FBXW7: variants seen among roughly 807,000 people sequenced by gnomAD.
The protein encoded by FBXW7 is F-box/WD repeat-containing protein 7.
Under a neutral mutation model 86.3 loss-of-function variants are expected in FBXW7, and 11 were observed. The ratio of observed to expected loss-of-function variants is 0.13; its 90% confidence interval spans 0.08 to 0.21. The LOEUF (loss-of-function observed/expected upper bound fraction) is 0.21. FBXW7 is among the 10% of genes least tolerant of loss of function. The pLI is 1.00. For missense variants in FBXW7, 488 were observed against 847.4 expected (o/e 0.58, Z 5.27); for synonymous variants, 313 against 297.9 (o/e 1.05, Z -0.52).
chr4:152,490,617 A>G (rs1268718107), intron 2 of FBXW7, among the ~76,000 whole-genome samples: 1 of 152,150 alleles, frequency 6.6e-6, no homozygotes, highest in African/African-American at 2.4e-5. Context: ...TCTCTCAAGC[A>G]GCAGCATAAG....
At chr4:152,393,901 C>CA (rs961239874) in intron 4 of FBXW7, among the ~76,000 whole-genome samples, 1 of 151,914 alleles carries the variant, frequency 6.6e-6, no homozygotes, top group African/African-American at 2.4e-5. Context: ...GGGAAAGATA[C>CA]AAAAAAATTT....
chr4:152,445,865 G>A (rs114232752), intron 2 of FBXW7, among the ~76,000 whole-genome samples: 1,616 of 142,590 alleles, frequency 0.011, 18 homozygotes, highest in Middle Eastern at 0.032. Flanking sequence ...AGCCAAGATC[G>A]CGCCACTGTA....
chr4:152,485,891 G>A (rs1002491654), intron 2 of FBXW7, among the ~76,000 whole-genome samples: 10 of 152,262 alleles, frequency 6.6e-5, no homozygotes, highest in East Asian at 1.9e-4. Flanking sequence ...ACAGTCATGC[G>A]TCACATAACC....
At chr4:152,367,910 T>G (rs748959210) in intron 4 of FBXW7, among the ~76,000 whole-genome samples, 1 of 151,530 alleles carries the variant, frequency 6.6e-6, no homozygotes, top group Non-Finnish European at 1.5e-5. Flanking sequence ...AGAAAAAACA[T>G]ACTAATATAA....
intron 2 of FBXW7, among the ~76,000 whole-genome samples, chr4:152,513,226 AT>A (rs1748148388): frequency 6.6e-6 from 1 of 152,202 alleles, no homozygotes; most frequent in African/African-American, 2.4e-5. Context: ...TGAGTATTTA[AT>A]AGAGTGAATT....
chr4:152,347,183 G>T, intron 5 of FBXW7, 112 bp from the exon 6 acceptor site: 1 of 895,716 alleles, frequency 1.1e-6, no homozygotes, highest in Non-Finnish European at 1.6e-6. Flanking sequence ...TGATGATCTG[G>T]CATATTTCAA....
intron 7 of FBXW7, 190 bp from the exon 8 acceptor site, chr4:152,332,909 T>C (rs980905691): frequency 1.1e-5 from 2 of 179,498 alleles, no homozygotes; most frequent in Admixed American, 6.2e-5. Context: ...ACACACCTTA[T>C]GGTTTTTATG....
At chr4:152,488,008 AAT>A (rs775647272) in intron 2 of FBXW7, among the ~76,000 whole-genome samples, 5 of 151,888 alleles carry the variant, frequency 3.3e-5, no homozygotes, top group Non-Finnish European at 7.4e-5. Flanking sequence ...AATAAAAAAT[AAT>A]GTTAAAAGTA....
At chr4:152,429,034 A>G (rs1225631622) in intron 2 of FBXW7, among the ~76,000 whole-genome samples, 1 of 152,120 alleles carries the variant, frequency 6.6e-6, no homozygotes, top group Non-Finnish European at 1.5e-5. Context: ...TACTAAAAAT[A>G]CAAAAATTAG....
intron 4 of FBXW7, among the ~76,000 whole-genome samples, chr4:152,369,119 A>G (rs1467895869): frequency 1.3e-5 from 2 of 152,142 alleles, no homozygotes; most frequent in African/African-American, 2.4e-5. Context: ...TCTCTATCAT[A>G]AGTACTATTA....
intron 2 of FBXW7, among the ~76,000 whole-genome samples, chr4:152,440,720 T>C (rs937261599): frequency 1.3e-5 from 2 of 152,082 alleles, no homozygotes; most frequent in Non-Finnish European, 2.9e-5. Flanking sequence ...AAATGGTACC[T>C]TGCACAGAAC....
chr4:152,374,268 T>A (rs1200334684), intron 4 of FBXW7, among the ~76,000 whole-genome samples: 2 of 152,028 alleles, frequency 1.3e-5, no homozygotes, highest in South Asian at 4.1e-4. Context: ...ACTGTATTTT[T>A]TTTCTCTATT....
chr4:152,475,984 GATTCCTAATTTATAAAGAAA>G (rs1332678541), intron 2 of FBXW7, among the ~76,000 whole-genome samples: 1 of 152,104 alleles, frequency 6.6e-6, no homozygotes, highest in East Asian at 1.9e-4. Flanking sequence ...TCAACAAGCT[GATTCCTAATTTATAAAGAAA>G]ATGCAAAGGT....
At chr4:152,488,000 TA>T (rs1403029469) in intron 2 of FBXW7, among the ~76,000 whole-genome samples, 5 of 151,834 alleles carry the variant, frequency 3.3e-5, no homozygotes, top group Non-Finnish European at 7.4e-5. Flanking sequence ...TTTAAACAAA[TA>T]AAAAATAATG....
At chr4:152,390,664 T>C (rs1022133564) in intron 4 of FBXW7, among the ~76,000 whole-genome samples, 6 of 152,056 alleles carry the variant, frequency 3.9e-5, no homozygotes, top group African/African-American at 1.4e-4. Context: ...CTTAAGTCCA[T>C]AAACAGTTTA....
intron 4 of FBXW7, among the ~76,000 whole-genome samples, chr4:152,362,925 CA>C (rs958518663): frequency 4.6e-5 from 7 of 150,716 alleles, no homozygotes; most frequent in African/African-American, 1.7e-4. Flanking sequence ...ACATAAACAG[CA>C]AAGATTAAAA....
chr4:152,510,612 TAG>T lies in FBXW7; in HGVS notation c.-120+24327_-120+24328del, dbSNP rs368761360. 7.2e-3 allele frequency among the ~76,000 whole-genome samples: 1,095 copies of T among 152,156 alleles called. 6 individuals are homozygous for T. Among genetic ancestry groups the T allele is most frequent in the Middle Eastern group, 0.024 (7 of 294 alleles). On this transcript the variant is annotated intron_variant, in intron 2 of 13. Coordinates refer to ENST00000281708, the MANE Select transcript of FBXW7 (RefSeq NM_001349798.2). Reference sequence around the variant, plus strand: ...GCCTAATACGGGGCAAGAGGAGAAATAGACTTTTCATAACTAAAAACATATTG... The same window carrying T: ...GCCTAATACGGGGCAAGAGGAGAAATACTTTTCATAACTAAAAACATATTG...
chr4:152,535,169 T>G lies in FBXW7; in HGVS notation c.-255A>C, dbSNP rs1750405845. 6.3e-6 allele frequency: 1 copy of G among 157,580 alleles called. No individual in the cohort carries two copies. The highest frequency in any genetic ancestry group is 1.4e-5 in the Non-Finnish European group (1 of 71,818). The allele number at this position is 157,580 out of a possible 1,614,324, so 9.8% of individuals were successfully genotyped here. On this transcript the variant is annotated 5_prime_UTR_variant, in exon 1 of 14. Transcript: ENST00000281708. Reference sequence around the variant, plus strand: ...CTGGGTCTTTTCAGGCTGCGGCTTCTGCCCGTCCAGGGCCACTTCTCCCGG... The same window carrying G: ...CTGGGTCTTTTCAGGCTGCGGCTTCGGCCCGTCCAGGGCCACTTCTCCCGG...
chr4:152,423,459 G>A (rs1739120966), intron 2 of FBXW7, among the ~76,000 whole-genome samples: 1 of 152,052 alleles, frequency 6.6e-6, no homozygotes, highest in African/African-American at 2.4e-5. Flanking sequence ...TTAGATTGGA[G>A]AAATAAAAAT....
Sources: allele counts gnomAD v4.1 joint callset (sites outside exome capture counted in the v4.1 genomes callset), GRCh38; gene constraint gnomAD v4.1.1; transcripts MANE v1.5; gene names NCBI Gene and HGNC (gene_info 2026-07-23, HGNC 2026-07-21).